ADCY6: variants seen among roughly 807,000 people sequenced by gnomAD.
ADCY6 encodes the protein adenylate cyclase type 6.
In ADCY6, 59 loss-of-function variants were observed where a neutral mutation model predicts 111.6. That is an observed-to-expected ratio of 0.53 (90% CI 0.43 to 0.66). ADCY6 has a LOEUF of 0.66. ADCY6 is among the 30% of genes least tolerant of loss of function. The pLI is 0.00. For synonymous variants in ADCY6, 576 were observed against 642.9 expected, an observed-to-expected ratio of 0.90 and a Z score of 1.57; for missense variants, 1,242 against 1,595.6, an observed-to-expected ratio of 0.78 and a Z score of 3.78.
At position 48,775,483 on chromosome 12, in the gene ADCY6, A is replaced by G. The variant is rs753148018; in HGVS notation, c.1833-33T>C. The G allele has an allele frequency of 6.3e-5, 101 of 1,612,894 alleles. No individual in the cohort carries two copies. In the South Asian group the frequency reaches 1.1e-3, roughly 17 times the overall value. On this transcript the variant is annotated intron_variant, in intron 10 of 21. Transcript: ENST00000357869. ...CAGGAGACATGGTTTCACCAGTTGC[A>G]TGGGCATGGCCATGTGAGAAACAAT... is the stretch of plus-strand genomic sequence containing the variant.
chr12:48,774,572 G>A, intron 13 of ADCY6, 54 bp from the exon 14 acceptor site: 1 of 1,586,548 alleles, frequency 6.3e-7, no homozygotes, highest in Non-Finnish European at 8.7e-7. Flanking sequence ...AGGAGGAATG[G>A]CAACCAGGGA....
rs547001010 is a variant in ADCY6 at position 48,776,191 on chromosome 12, C to T, written c.1677+18G>A. 2 of 1,614,120 alleles carry T rather than the reference C, an allele frequency of 1.2e-6. No homozygotes were observed. Among genetic ancestry groups the T allele is most frequent in the African/African-American group, 2.7e-5 (2 of 75,068 alleles). ...CCTCTTCTTGCTCCCCTGCCCCCAGCCCTGCCCTGGCCCTGACCCGTTTCT... is the reference window on the plus strand; with the variant it reads ...CCTCTTCTTGCTCCCCTGCCCCCAGTCCTGCCCTGGCCCTGACCCGTTTCT... On this transcript the variant is annotated intron_variant, in intron 8 of 21. Coordinates refer to ENST00000357869, the MANE Select transcript of ADCY6 (RefSeq NM_015270.5). The surrounding 1 kb of genome is among the most constrained non-coding windows in gnomAD (Gnocchi z 6.1).
rs1221548835 is a variant in ADCY6, at chr12:48,778,482, C to A, written c.865-225G>T. 4 of 548,894 alleles carry A rather than the reference C, an allele frequency of 7.3e-6. No homozygotes were observed. In the South Asian group the frequency reaches 8.8e-5, roughly 12 times the overall value. The allele number at this position is 548,894 out of a possible 1,614,324, so 34.0% of individuals were successfully genotyped here. On this transcript the variant is annotated intron_variant, in intron 2 of 21. Coordinates refer to ENST00000357869, the MANE Select transcript of ADCY6 (RefSeq NM_015270.5). ...AATCCTCCATGACTAGAAATGAGAT[C>A]TTTTCACAGCTTCTGGAAGCAGAAG...
intron 20 of ADCY6, among the ~76,000 whole-genome samples, chr12:48,770,015 A>G (rs1022470636): frequency 6.9e-6 from 1 of 145,228 alleles, no homozygotes; most frequent in Non-Finnish European, 1.5e-5. Flanking sequence ...CCTGCCTCGG[A>G]CTCCCAAAGT....
rs146036298 is a variant in ADCY6, at chr12:48,775,411, C to T, written c.1872G>A (p.Val624=). ...TQDALNPEDE[V]DEFLSRAIDA... ...CGATGGCACGGCTCAGGAACTCATCCACCTCATCCTCAGGGTTCAGGGCAT... is the reference window on the plus strand; with the variant it reads ...CGATGGCACGGCTCAGGAACTCATCTACCTCATCCTCAGGGTTCAGGGCAT... The change falls in exon 11 of 22, where the codon GTG becomes GTA. Residue 624 remains valine, a synonymous_variant. Coordinates refer to ENST00000357869, the MANE Select transcript of ADCY6 (RefSeq NM_015270.5). The T allele has an allele frequency of 2.5e-6, 4 of 1,614,058 alleles. No homozygotes were observed. The highest frequency in any genetic ancestry group is 1.7e-5 in the Admixed American group (1 of 59,998).
rs374675749 is a variant in ADCY6, at chr12:48,782,757, G to A, written c.678C>T (p.Gly226=). 5.6e-6 allele frequency: 9 copies of A among 1,609,392 alleles called. No individual in the cohort carries two copies. In the East Asian group the frequency reaches 1.3e-4, roughly 24 times the overall value. The change falls in exon 2 of 22, where the codon GGC becomes GGT. Residue 226 remains glycine (G), a synonymous_variant. Transcript: ENST00000357869. The surrounding 1 kb of genome is among the most constrained non-coding windows in gnomAD (Gnocchi z 4.3). ...GGCTGCGCGGGTCTGCTGCGAGAGC[G>A]CCCCCGACCTGCACTGCCGCCAGGA... The part of the protein sequence containing the change: ...LGILAAVQVG[G]ALAADPRSPS...
At position 48,783,454 on chromosome 12, in the gene ADCY6, G is replaced by A; in HGVS notation, c.-4-16C>T. 6.2e-7 allele frequency: 1 copy of A among 1,614,144 alleles called. No individual in the cohort carries two copies. The highest frequency in any genetic ancestry group is 1.1e-5 in the South Asian group (1 of 91,072). The stretch of plus-strand genomic sequence containing the variant: ...TGACATGTTGCTGGTAGGGAAGGAA[G>A]GAGATAGTATTAGAGACCATCCAGT... On this transcript the variant is annotated splice_polypyrimidine_tract_variant and intron_variant, in intron 1 of 21. Transcript: ENST00000357869.
chr12:48,771,863 G>A lies in ADCY6; in HGVS notation c.2898C>T (p.Arg966=). The change falls in exon 19 of 22, where the codon CGC becomes CGT. Residue 966 remains arginine, a synonymous_variant. Transcript: ENST00000357869. This position sits in a 1 kb window ranked among gnomAD's most constrained non-coding sequence, Gnocchi z 4.3. ...ACGACTGATAGTAGAGTTCATCATT[G>A]CGGCGCTCCCGGGCCAGGAAGTGGG... ...VAAHFLARER[R]NDELYYQSCE... The A allele has an allele frequency of 6.2e-7, 1 of 1,614,170 alleles. No homozygotes were observed. The highest frequency in any genetic ancestry group is 8.5e-7 in the Non-Finnish European group (1 of 1,180,040).
At chr12:48,783,567 C>T in intron 1 of ADCY6, 129 bp from the exon 2 acceptor site, 1 of 1,509,044 alleles carries the variant, frequency 6.6e-7, no homozygotes, top group South Asian at 1.3e-5. Context: ...CTATGAGTTT[C>T]ATCCTCATAA....
rs759670630 is a variant in ADCY6 at position 48,773,967 on chromosome 12, G to T, written c.2415C>A (p.Gly805=). The T allele has an allele frequency of 6.2e-7, 1 of 1,613,890 alleles. No individual in the cohort carries two copies. The highest frequency in any genetic ancestry group is 8.5e-7 in the Non-Finnish European group (1 of 1,179,894). ...CAGGAAAGCTGCAGGTGGGCATGGT[G>T]CCCTCACACAGGGGAGCATCCAGGC... ...SLGLDAPLCE[G]TMPTCSFPEY... The change falls in exon 15 of 22, where the codon GGC becomes GGA. Residue 805 remains glycine (G), a synonymous_variant. Transcript: ENST00000357869.
Position 48,776,461 on chromosome 12 carries a change from A to G in ADCY6, c.1502T>C (p.Leu501Pro). The G allele has an allele frequency of 6.6e-7, 1 of 1,514,642 alleles. No individual in the cohort carries two copies. The highest frequency in any genetic ancestry group is 8.9e-7 in the Non-Finnish European group (1 of 1,125,378). 93.8% of individuals were successfully genotyped at this position (1,514,642 alleles called of 1,614,324 possible). The change falls in exon 7 of 22, where the codon CTG becomes CCG. Residue 501 changes from leucine to proline, a missense_variant. Physicochemically the swap from Leu to Pro is moderately conservative, Grantham distance 98. Coordinates refer to ENST00000357869, the MANE Select transcript of ADCY6 (RefSeq NM_015270.5). The surrounding 1 kb of genome is among the most constrained non-coding windows in gnomAD (Gnocchi z 6.1). ...QFDVWSNDVT[L>P]ANHMEAGGRA... ...GCCTCCTGCCTCCATGTGGTTGGCC[A>G]GGGTCACATCATTGGACCACACATC...
chr12:48,770,568 T>G (rs555652111), intron 20 of ADCY6, among the ~76,000 whole-genome samples, 198 bp downstream of exon 20: 1 of 152,320 alleles, frequency 6.6e-6, no homozygotes, highest in East Asian at 1.9e-4. Context: ...AGTATCAGGA[T>G]TAAAATATGC....
Position 48,777,530 on chromosome 12 carries a change from G to A in ADCY6, c.1137-9C>T. The A allele has an allele frequency of 6.2e-7, 1 of 1,613,554 alleles. No homozygotes were observed. Among genetic ancestry groups the A allele is most frequent in the Non-Finnish European group, 8.5e-7 (1 of 1,179,440 alleles). On this transcript the variant is annotated splice_polypyrimidine_tract_variant and intron_variant, in intron 4 of 21. Coordinates refer to ENST00000357869, the MANE Select transcript of ADCY6 (RefSeq NM_015270.5). The surrounding 1 kb of genome is among the most constrained non-coding windows in gnomAD (Gnocchi z 4.9). The stretch of plus-strand genomic sequence containing the variant: ...TGTCTGCAAACAGGATGCTGTAGAT[G>A]ACAGCAGAGGATGAACAGAACACAT...
intron 1 of ADCY6, chr12:48,784,279 G>A (rs1488304373): frequency 6.9e-6 from 1 of 143,962 alleles, no homozygotes; most frequent in Non-Finnish European, 1.5e-5. Flanking sequence ...AAAGGAGGGA[G>A]GGAGGGAGAG....
intron 20 of ADCY6, among the ~76,000 whole-genome samples, chr12:48,770,321 G>A (rs1243604535): frequency 1.3e-5 from 2 of 152,086 alleles, no homozygotes; most frequent in East Asian, 1.9e-4. Flanking sequence ...AAATGGAGCA[G>A]CCAGAATTCA....
Position 48,771,029 on chromosome 12 carries a change from C to T in ADCY6, c.3052-59G>A. 6.4e-7 allele frequency: 1 copy of T among 1,554,386 alleles called. No individual in the cohort carries two copies. Among genetic ancestry groups the T allele is most frequent in the Non-Finnish European group, 8.8e-7 (1 of 1,137,064 alleles). On this transcript the variant is annotated intron_variant, in intron 19 of 21. Coordinates refer to ENST00000357869, the MANE Select transcript of ADCY6 (RefSeq NM_015270.5). The surrounding 1 kb of genome is among the most constrained non-coding windows in gnomAD (Gnocchi z 4.3). The stretch of plus-strand genomic sequence containing the variant: ...AAAGACCCCAGACCCAGCCCTGCCC[C>T]AACACTCATTTCTTGCCACGCCTTG...
chr12:48,778,063 G>C, intron 3 of ADCY6, 45 bp downstream of exon 3: 1 of 1,572,506 alleles, frequency 6.4e-7, no homozygotes, highest in South Asian at 1.2e-5. Flanking sequence ...CAAGTTATTT[G>C]GGGGTAAGGT....
Position 48,782,663 on chromosome 12 carries a change from GC to G in ADCY6, c.771del (p.Met257IlefsTer16), listed in dbSNP as rs1565650982. 6.3e-7 allele frequency: 1 copy of G among 1,599,336 alleles called. No individual in the cohort carries two copies. Among genetic ancestry groups the G allele is most frequent in the Non-Finnish European group, 8.5e-7 (1 of 1,172,110 alleles). ...CCCAGGCCGCTGAGGACGGCAGCCC[GC>G]ATGCGGATGGGGAGGAGCGTGTAGG... ...YIAYTLLPIR[M>X]RAAVLSGLGL... On this transcript the variant is annotated frameshift_variant, in exon 2 of 22. Transcript: ENST00000357869. LOFTEE classifies it high-confidence loss of function. The surrounding 1 kb of genome is among the most constrained non-coding windows in gnomAD (Gnocchi z 4.3).
chr12:48,768,767 T>G (rs1941442815), intron 21 of ADCY6, 51 bp from the exon 22 acceptor site: 1 of 1,600,830 alleles, frequency 6.2e-7, no homozygotes, highest in East Asian at 2.2e-5. Flanking sequence ...TCCTGCTGCA[T>G]TTGCAGGGGC....
Sources: allele counts gnomAD v4.1 joint callset (sites outside exome capture counted in the v4.1 genomes callset), GRCh38; gene constraint gnomAD v4.1.1; non-coding constraint Gnocchi (gnomAD v3.1); transcripts MANE v1.5; gene names NCBI Gene and HGNC (gene_info 2026-07-23, HGNC 2026-07-21).